The following RGPD2 variants were observed in gnomAD, a reference collection of about 807,000 sequenced individuals.
RGPD2 encodes RANBP2-like and GRIP domain-containing protein 2.
RGPD2 carries 2 observed loss-of-function variants against 36.0 expected under a neutral mutation model. That is an observed-to-expected ratio of 0.06 (90% confidence interval 0.02 to 0.17). The LOEUF (loss-of-function observed/expected upper bound fraction) is 0.17. RGPD2 is among the 10% of genes least tolerant of loss of function. The pLI, the probability that RGPD2 is intolerant of heterozygous loss-of-function variation, is 1.00. For synonymous variants in RGPD2, 19 were observed against 163.8 expected (o/e 0.12, Z 6.75); for missense variants, 40 against 464.3 (o/e 0.09, Z 8.40).
At chr2:87,825,912 G>C, upstream of RGPD2, 1 of 754,758 alleles carries the variant, frequency 1.3e-6, no homozygotes, top group Non-Finnish European at 2.0e-6. Context: ...GCTGCACTCG[G>C]CCGGGCTCTT....
the RGPD2 span, among the ~76,000 whole-genome samples, chr2:87,849,473 A>G: frequency 6.6e-6 from 1 of 152,058 alleles, no homozygotes; most frequent in Non-Finnish European, 1.5e-5. Flanking sequence ...CTTTTTTCCA[A>G]AACATTATCA....
At chr2:87,813,984 T>C (rs1335584122) in intron 4 of RGPD2, among the ~76,000 whole-genome samples, 1 of 151,824 alleles carries the variant, frequency 6.6e-6, no homozygotes, top group African/African-American at 2.4e-5. Flanking sequence ...CTTGTTACAC[T>C]GCAAGAAAAC....
chr2:87,924,531 G>C, the RGPD2 span, among the ~76,000 whole-genome samples: 5 of 152,248 alleles, frequency 3.3e-5, no homozygotes, highest in Non-Finnish European at 4.4e-5. Context: ...TTTTCTAGGA[G>C]AAGATTGCTT....
chr2:87,885,083 AT>A, the RGPD2 span, among the ~76,000 whole-genome samples: 1 of 152,044 alleles, frequency 6.6e-6, no homozygotes, highest in Non-Finnish European at 1.5e-5. Context: ...TCAATTTAAG[AT>A]TTTTTAACTT....
At chr2:87,915,619 C>CAT in the RGPD2 span, among the ~76,000 whole-genome samples, 2 of 143,260 alleles carry the variant, frequency 1.4e-5, no homozygotes, top group African/African-American at 2.6e-5. Flanking sequence ...TATATATACA[C>CAT]ATATATATGT....
At chr2:87,882,388 T>C in the RGPD2 span, among the ~76,000 whole-genome samples, 3 of 152,286 alleles carry the variant, frequency 2.0e-5, no homozygotes, top group Non-Finnish European at 4.4e-5. Context: ...TTAGCACCTT[T>C]GTTGAAAATC....
At chr2:87,951,662 G>A in the RGPD2 span, among the ~76,000 whole-genome samples, 9 of 150,498 alleles carry the variant, frequency 6.0e-5, no homozygotes, top group Non-Finnish European at 1.3e-4. Flanking sequence ...TGCGATCTTG[G>A]CTCACTGAAA....
chr2:87,989,494 G>C, the RGPD2 span, among the ~76,000 whole-genome samples: 11 of 152,262 alleles, frequency 7.2e-5, no homozygotes, highest in Non-Finnish European at 1.5e-5. Context: ...TTGTTTTCAT[G>C]AAGTTTTTAA....
the RGPD2 span, among the ~76,000 whole-genome samples, chr2:87,915,280 A>ATATATATATGTATATTATATATATTG: frequency 3.7e-4 from 53 of 144,146 alleles, no homozygotes; most frequent in East Asian, 2.5e-3. Flanking sequence ...GTGTGTATAT[A>ATATATATATGTATATTATATATATTG]TATATATATG....
At chr2:87,852,972 T>C in the RGPD2 span, among the ~76,000 whole-genome samples, 2 of 152,192 alleles carry the variant, frequency 1.3e-5, no homozygotes, top group Admixed American at 6.5e-5. Context: ...TTTGTCTGTT[T>C]TGTTCACTGC....
At chr2:87,967,479 GC>G in the RGPD2 span, among the ~76,000 whole-genome samples, 3 of 149,934 alleles carry the variant, frequency 2.0e-5, 1 homozygote, top group African/African-American at 5.1e-5. Flanking sequence ...TTAATTATCT[GC>G]CCCCATCCAA....
chr2:87,861,233 A>G, the RGPD2 span, among the ~76,000 whole-genome samples: 4 of 150,966 alleles, frequency 2.6e-5, no homozygotes, highest in African/African-American at 9.7e-5. Context: ...TATAGAATTG[A>G]CATTTTCAAT....
chr2:87,964,626 A>C, the RGPD2 span, among the ~76,000 whole-genome samples: 1 of 151,260 alleles, frequency 6.6e-6, no homozygotes, highest in South Asian at 2.1e-4. Context: ...CTCCTGTGGC[A>C]GGCCAGGTCT....
At chr2:87,975,147 T>C in the RGPD2 span, among the ~76,000 whole-genome samples, 2 of 151,982 alleles carry the variant, frequency 1.3e-5, no homozygotes, top group South Asian at 4.2e-4. Context: ...TCCCTTTATA[T>C]GGATGCTCTT....
the RGPD2 span, among the ~76,000 whole-genome samples, chr2:87,915,190 A>G: frequency 4.0e-5 from 6 of 151,138 alleles, no homozygotes; most frequent in Admixed American, 6.6e-5. Context: ...ACTTGTTTAT[A>G]TAATGAAGTA....
chr2:87,877,398 T>C, the RGPD2 span, among the ~76,000 whole-genome samples: 38 of 152,296 alleles, frequency 2.5e-4, no homozygotes, highest in Non-Finnish European at 3.8e-4. Flanking sequence ...GCAGGCCTTG[T>C]GGTAATGAAT....
At chr2:87,972,744 G>C in the RGPD2 span, 1 of 1,611,086 alleles carries the variant, frequency 6.2e-7, no homozygotes, top group Non-Finnish European at 8.5e-7. Context: ...CTGTGCCCAG[G>C]AGTGAACAAC....
intron 22 of RGPD2, among the ~76,000 whole-genome samples, chr2:87,769,580 A>G (rs1363228590): frequency 2.6e-5 from 4 of 151,426 alleles, no homozygotes; most frequent in African/African-American, 9.7e-5. Flanking sequence ...AACTTATAGG[A>G]GCCACCTGGA....
the RGPD2 span, among the ~76,000 whole-genome samples, chr2:87,877,139 G>T: frequency 6.6e-6 from 1 of 151,928 alleles, no homozygotes; most frequent in Non-Finnish European, 1.5e-5. Context: ...ATACCAATGG[G>T]TCTTGACTCT....
Sources: gnomAD v4.1 joint callset for allele counts (sites outside exome capture counted in the v4.1 genomes callset) on GRCh38, gnomAD v4.1.1 for gene constraint, MANE v1.5 for transcripts, NCBI Gene and HGNC (gene_info 2026-07-23, HGNC 2026-07-21) for gene names.